Variants in DOCK4 observed in about 807,000 individuals in gnomAD.
DOCK4 encodes the protein dedicator of cytokinesis protein 4.
Under a neutral mutation model 268.1 loss-of-function variants are expected in DOCK4, and 97 were observed. That is an observed-to-expected ratio of 0.36 (90% CI 0.31 to 0.43). The LOEUF (loss-of-function observed/expected upper bound fraction) is 0.43. Ranked by LOEUF, DOCK4 falls within the 20% of genes least tolerant of loss-of-function variation. The pLI is 1.00. For missense variants in DOCK4, 2,145 were observed against 2,455.7 expected (o/e 0.87, Z 2.67); for synonymous variants, 954 against 887.2 (o/e 1.08, Z -1.34).
intron 30 of DOCK4, among the ~76,000 whole-genome samples, chr7:111,798,396 C>G (rs1363249997): frequency 1.3e-5 from 2 of 152,228 alleles, no homozygotes; most frequent in Non-Finnish European, 2.9e-5. Flanking sequence ...TAAAGCCAGT[C>G]TCTCTCTTTT....
intron 36 of DOCK4, among the ~76,000 whole-genome samples, chr7:111,769,929 G>A (rs1377893085): frequency 1.3e-5 from 2 of 151,888 alleles, no homozygotes; most frequent in Non-Finnish European, 2.9e-5. Flanking sequence ...TTTGTCTTTT[G>A]TTTTTGTCTT....
chr7:112,133,866 G>T (rs1244948878), intron 1 of DOCK4, among the ~76,000 whole-genome samples: 1 of 152,210 alleles, frequency 6.6e-6, no homozygotes, highest in Non-Finnish European at 1.5e-5. Context: ...TTCTCAAACT[G>T]TGAGTTATCT....
intron 1 of DOCK4, among the ~76,000 whole-genome samples, chr7:112,164,941 A>G (rs1817459350): frequency 6.6e-6 from 1 of 152,220 alleles, no homozygotes; most frequent in South Asian, 2.1e-4. Context: ...TCCATTAAGG[A>G]GTAAAAATTT....
intron 27 of DOCK4, among the ~76,000 whole-genome samples, chr7:111,818,392 T>C (rs1349940424): frequency 6.6e-6 from 1 of 152,090 alleles, no homozygotes; most frequent in East Asian, 1.9e-4. Flanking sequence ...ACTTCTCTCA[T>C]CCCCAATGCT....
intron 32 of DOCK4, 65 bp downstream of exon 32, chr7:111,788,597 A>G (rs1432418215): frequency 7.5e-7 from 1 of 1,341,434 alleles, no homozygotes; most frequent in African/African-American, 1.4e-5. Context: ...CGTGGTGCAG[A>G]GAGGCTCAGT....
At chr7:112,129,907 G>C (rs1813641455) in intron 1 of DOCK4, among the ~76,000 whole-genome samples, 2 of 152,126 alleles carry the variant, frequency 1.3e-5, no homozygotes, top group Admixed American at 6.5e-5. Flanking sequence ...ACCTTTTATA[G>C]TGGGATAAAA....
rs1415978597 is a variant in DOCK4 at position 112,082,888 on chromosome 7, TTTAAA to T, written c.38-78762_38-78758del. ...CCATATGACTTAGCTAGAAATAAATTTTAAATTAAAGTATCATTTATTCTAGAATG... is the reference window on the plus strand; with the variant it reads ...CCATATGACTTAGCTAGAAATAAATTTTAAAGTATCATTTATTCTAGAATG... On this transcript the variant is annotated intron_variant, in intron 1 of 52. Transcript: ENST00000428084. Among the ~76,000 whole-genome samples the T allele has an allele frequency of 2.6e-5, 4 of 152,110 alleles. No homozygotes were observed. In the East Asian group the frequency reaches 5.8e-4, roughly 22 times the overall value.
chr7:112,088,260 A>C (rs1809304424), intron 1 of DOCK4, among the ~76,000 whole-genome samples: 1 of 152,164 alleles, frequency 6.6e-6, no homozygotes, highest in African/African-American at 2.4e-5. Flanking sequence ...CACTCAGTCC[A>C]TGGCTAGATA....
At chr7:111,899,551 T>C (rs543943117) in intron 15 of DOCK4, among the ~76,000 whole-genome samples, 2 of 152,256 alleles carry the variant, frequency 1.3e-5, no homozygotes, top group South Asian at 4.1e-4. Context: ...ATAGAAATAC[T>C]GAGAAGGGAT....
chr7:111,741,306 T>C (rs1795901227), intron 46 of DOCK4, 92 bp from the exon 47 acceptor site: 1 of 1,525,190 alleles, frequency 6.6e-7, no homozygotes, highest in South Asian at 1.2e-5. Flanking sequence ...GGGGGGAAAA[T>C]ACATTCCGTT....
At chr7:112,018,179 A>AAAAAAAAAAAAAAAAAAAAAAAAACACAC in intron 1 of DOCK4, among the ~76,000 whole-genome samples, 1 of 72,590 alleles carries the variant, frequency 1.4e-5, no homozygotes. Context: ...AAAAAAAAAA[A>AAAAAAAAAAAAAAAAAAAAAAAAACACAC]ACACAGGCAA....
At chr7:111,734,065 C>G (rs4416770) in intron 51 of DOCK4, among the ~76,000 whole-genome samples, 145,760 of 152,224 alleles carry the variant, frequency 0.96, 69,819 homozygotes, top group Middle Eastern at 0.98. Flanking sequence ...AGCCTCCCAA[C>G]TAGCTAGGAC....
chr7:112,131,039 T>C (rs993873845), intron 1 of DOCK4, among the ~76,000 whole-genome samples: 1 of 152,182 alleles, frequency 6.6e-6, no homozygotes, highest in Admixed American at 6.5e-5. Flanking sequence ...CTGATAATAG[T>C]GAAAACCTAC....
chr7:112,074,765 C>T, intron 1 of DOCK4, among the ~76,000 whole-genome samples: 1 of 152,196 alleles, frequency 6.6e-6, no homozygotes, highest in African/African-American at 2.4e-5. Context: ...CCAGAGATCT[C>T]ACCAACAGCT....
At chr7:111,761,315 C>G (rs1270553825) in intron 39 of DOCK4, among the ~76,000 whole-genome samples, 3 of 152,202 alleles carry the variant, frequency 2.0e-5, no homozygotes, top group Non-Finnish European at 2.9e-5. Flanking sequence ...CTGTCTCGGC[C>G]TCCCATAGTG....
chr7:111,994,317 G>T (rs1231197945), intron 4 of DOCK4, 86 bp from the exon 5 acceptor site: 2 of 759,230 alleles, frequency 2.6e-6, no homozygotes, highest in Non-Finnish European at 4.1e-6. Flanking sequence ...AACTAGAAAA[G>T]AAAGCTGCCT....
intron 26 of DOCK4, among the ~76,000 whole-genome samples, chr7:111,826,604 C>A (rs866070473): frequency 6.6e-6 from 1 of 152,058 alleles, no homozygotes; most frequent in Non-Finnish European, 1.5e-5. Flanking sequence ...CAGCTAGAGG[C>A]CATTATCCTA....
intron 20 of DOCK4, among the ~76,000 whole-genome samples, chr7:111,870,568 C>T (rs932644536): frequency 5.9e-5 from 9 of 152,066 alleles, no homozygotes; most frequent in Non-Finnish European, 1.2e-4. Context: ...ATGATCTGTC[C>T]ACCTTGGCCT....
At chr7:112,086,339 CTGTT>C (rs1246014303) in intron 1 of DOCK4, among the ~76,000 whole-genome samples, 2 of 152,114 alleles carry the variant, frequency 1.3e-5, no homozygotes, top group East Asian at 1.9e-4. Flanking sequence ...CTGTGTCTGT[CTGTT>C]CTCTCTTTCT....
Sources: gnomAD v4.1 joint callset for allele counts (sites outside exome capture counted in the v4.1 genomes callset) on GRCh38, gnomAD v4.1.1 for gene constraint, MANE v1.5 for transcripts, NCBI Gene and HGNC (gene_info 2026-07-23, HGNC 2026-07-21) for gene names.